The following TENM1 variants were observed in gnomAD, a reference collection of about 807,000 sequenced individuals.
TENM1 encodes teneurin-1.
A neutral mutation model predicts 174.8 loss-of-function variants in TENM1; 35 were observed. The ratio of observed to expected loss-of-function variants is 0.20; its 90% CI spans 0.15 to 0.27. The LOEUF (loss-of-function observed/expected upper bound fraction) is 0.27, where lower values mean the gene tolerates loss of function less well. Among genes scored for constraint, TENM1 ranks in the 10% least tolerant of loss-of-function variants. The pLI, the probability that TENM1 is intolerant of heterozygous loss-of-function variation, is 1.00. For synonymous variants in TENM1, 781 were observed against 798.7 expected (o/e 0.98, Z 0.37); for missense variants, 1,633 against 2,130.1 (o/e 0.77, Z 4.59).
the TENM1 span, among the ~76,000 whole-genome samples, chrX:125,113,380 A>T: frequency 9.0e-6 from 1 of 111,444 alleles, no homozygotes; most frequent in African/African-American, 3.3e-5. Flanking sequence ...ACTAATCATC[A>T]GAGAAATGCA....
chrX:124,978,023 A>ATCTT, the TENM1 span, among the ~76,000 whole-genome samples: 1 of 86,353 alleles, frequency 1.2e-5, no homozygotes, highest in African/African-American at 4.4e-5. Flanking sequence ...AGAGAGAGAG[A>ATCTT]TCTTTTTCCT....
chrX:125,031,290 T>A, the TENM1 span, among the ~76,000 whole-genome samples: 326 of 111,556 alleles, frequency 2.9e-3, no homozygotes, highest in Non-Finnish European at 4.9e-3. Context: ...TTCTTTTTTA[T>A]AATTTGAATC....
At chrX:125,023,431 A>C in the TENM1 span, among the ~76,000 whole-genome samples, 1 of 111,029 alleles carries the variant, frequency 9.0e-6, no homozygotes, top group African/African-American at 3.3e-5. Flanking sequence ...TCAAGTCTTT[A>C]TAGCAGTGTG....
chrX:124,551,959 C>T (rs766573886), intron 14 of TENM1, among the ~76,000 whole-genome samples: 7 of 111,944 alleles, frequency 6.3e-5, no homozygotes, highest in East Asian at 2.8e-4. Flanking sequence ...CTGTGTAGCA[C>T]GTTCCAGTTG....
At chrX:124,808,361 T>C (rs977225617) in intron 3 of TENM1, among the ~76,000 whole-genome samples, 8 of 111,826 alleles carry the variant, frequency 7.2e-5, no homozygotes, top group Non-Finnish European at 1.3e-4. Flanking sequence ...AAGGAAGAGA[T>C]AGACTGCAAT....
rs767864505 is a variant in TENM1, at chrX:124,548,346, A to G, written c.2435-1256T>C. The stretch of plus-strand genomic sequence containing the variant: ...ACTGAGAATCTAACAGGTGCAAAAT[A>G]CTGTTAGGTGCTTGCAGAGGTGAAG... On this transcript the variant is annotated intron_variant, in intron 14 of 31. Coordinates refer to ENST00000422452, the Ensembl canonical transcript of TENM1. 9.0e-5 allele frequency among the ~76,000 whole-genome samples: 10 copies of G among 111,392 alleles called. No homozygotes were observed. In the South Asian group the frequency reaches 4.0e-3, roughly 44 times the overall value.
chrX:124,651,705 T>A (rs1323999081), intron 8 of TENM1, among the ~76,000 whole-genome samples: 2 of 111,015 alleles, frequency 1.8e-5, no homozygotes, highest in East Asian at 5.6e-4. Context: ...GAGCAACAAA[T>A]AAAGTAGCAT....
chrX:124,522,583 G>C (rs181747218), intron 17 of TENM1, among the ~76,000 whole-genome samples: 4 of 110,375 alleles, frequency 3.6e-5, no homozygotes, highest in African/African-American at 1.3e-4. Flanking sequence ...AACTGCACAG[G>C]CTTGAAAACT....
chrX:124,383,528 C>T, intron 30 of TENM1, 106 bp downstream of exon 33: 1 of 759,599 alleles, frequency 1.3e-6, no homozygotes, highest in Non-Finnish European at 1.9e-6. Context: ...TGCGGGCTAA[C>T]TGTCAGGAAG....
At chrX:125,142,220 G>A in the TENM1 span, among the ~76,000 whole-genome samples, 1 of 111,413 alleles carries the variant, frequency 9.0e-6, no homozygotes, top group East Asian at 2.8e-4. Context: ...TTGTTTCTTC[G>A]ACATTCCAGT....
At chrX:124,887,586 G>A (rs770428851) in intron 3 of TENM1, among the ~76,000 whole-genome samples, 2 of 111,563 alleles carry the variant, frequency 1.8e-5, no homozygotes, top group African/African-American at 6.5e-5. Flanking sequence ...AAGAAAATAT[G>A]AGCTTGTTAT....
chrX:124,413,838 T>C (rs1006616787), intron 25 of TENM1, among the ~76,000 whole-genome samples: 1 of 112,437 alleles, frequency 8.9e-6, no homozygotes, highest in Non-Finnish European at 1.9e-5. Flanking sequence ...CTAGAAGGCA[T>C]TGGAAACGTC....
At chrX:125,049,665 G>C in the TENM1 span, among the ~76,000 whole-genome samples, 2 of 111,682 alleles carry the variant, frequency 1.8e-5, no homozygotes, top group Non-Finnish European at 3.8e-5. Flanking sequence ...CAATGTATAA[G>C]TGTTTTAGTT....
At chrX:124,651,983 G>A (rs1311464240) in exon 8 of TENM1, 2 of 1,208,999 alleles carry the variant, frequency 1.7e-6, no homozygotes, top group Non-Finnish European at 2.2e-6. Flanking sequence ...AGATACCAAG[G>A]TCCTTGATCC....
At chrX:124,894,708 T>C (rs1321213209) in intron 2 of TENM1, among the ~76,000 whole-genome samples, 1 of 111,277 alleles carries the variant, frequency 9.0e-6, no homozygotes, top group South Asian at 3.8e-4. Context: ...AAGGAGAAGA[T>C]GTCTTGCCAA....
chrX:124,655,114 G>C (rs57417366), intron 6 of TENM1, among the ~76,000 whole-genome samples: 133 of 111,451 alleles, frequency 1.2e-3, no homozygotes, highest in African/African-American at 4.1e-3. Context: ...CATGTCGCAT[G>C]GTCTACAGCC....
At chrX:124,718,070 T>C (rs1448573631) in intron 4 of TENM1, among the ~76,000 whole-genome samples, 3 of 112,590 alleles carry the variant, frequency 2.7e-5, no homozygotes, top group Non-Finnish European at 3.7e-5. Flanking sequence ...TCCTATGTTA[T>C]GTGCATCTCC....
intron 22 of TENM1, among the ~76,000 whole-genome samples, chrX:124,470,506 T>A (rs1489378285): frequency 9.0e-6 from 1 of 111,428 alleles, no homozygotes; most frequent in Non-Finnish European, 1.9e-5. Context: ...AAATTTCTTT[T>A]GTATCTTTCT....
chrX:124,815,483 T>C (rs1252999859), intron 3 of TENM1, among the ~76,000 whole-genome samples: 1 of 111,801 alleles, frequency 8.9e-6, no homozygotes, highest in Non-Finnish European at 1.9e-5. Context: ...CAAATTTTAA[T>C]GTTCTAATTG....
Sources: gnomAD v4.1 joint callset for allele counts (sites outside exome capture counted in the v4.1 genomes callset) on GRCh38, gnomAD v4.1.1 for gene constraint, MANE v1.5 for transcripts, NCBI Gene and HGNC (gene_info 2026-07-23, HGNC 2026-07-21) for gene names.